UGT2A3: variants seen among roughly 807,000 people sequenced by gnomAD.
UGT2A3 encodes UDP-glucuronosyltransferase 2A3.
Under a neutral mutation model 44.1 loss-of-function variants are expected in UGT2A3, and 55 were observed. The ratio of observed to expected loss-of-function variants is 1.25; its 90% CI spans 1.00 to 1.56. The LOEUF (loss-of-function observed/expected upper bound fraction) is 1.56. Ranked by LOEUF, UGT2A3 falls within the 40% of genes most tolerant of loss-of-function variation. The probability of loss-of-function intolerance (pLI) is 0.00; values close to 1 mark genes in which losing one functional copy is unlikely to be tolerated. For missense variants in UGT2A3, 733 were observed against 621.6 expected, an observed-to-expected ratio of 1.18 and a Z score of -1.91; for synonymous variants, 243 against 215.1, an observed-to-expected ratio of 1.13 and a Z score of -1.13.
At chr4:68,930,990 G>A (rs913693064) in intron 4 of UGT2A3, among the ~76,000 whole-genome samples, 165 bp downstream of exon 4, 17 of 152,100 alleles carry the variant, frequency 1.1e-4, no homozygotes, top group African/African-American at 3.9e-4. Flanking sequence ...ACAATAGAAA[G>A]TGTGAATCTA....
intron 2 of UGT2A3, among the ~76,000 whole-genome samples, chr4:68,934,396 G>A (rs1045852799): frequency 4.0e-5 from 6 of 151,760 alleles, no homozygotes; most frequent in Non-Finnish European, 8.8e-5. Context: ...AGGAAAACAA[G>A]ATATTTAACA....
intron 2 of UGT2A3, among the ~76,000 whole-genome samples, 188 bp from the exon 3 acceptor site, chr4:68,932,947 A>C (rs1717790273): frequency 6.6e-6 from 1 of 152,050 alleles, no homozygotes; most frequent in African/African-American, 2.4e-5. Flanking sequence ...CATGTGGCTT[A>C]AATATGTAAT....
At chr4:68,943,599 T>C (rs1030533518) in intron 2 of UGT2A3, among the ~76,000 whole-genome samples, 25 of 151,910 alleles carry the variant, frequency 1.6e-4, no homozygotes, top group African/African-American at 4.3e-4. Flanking sequence ...TGGTAAATTC[T>C]TATAATTTTA....
At chr4:68,935,714 G>C (rs1717926538) in intron 2 of UGT2A3, among the ~76,000 whole-genome samples, 1 of 151,988 alleles carries the variant, frequency 6.6e-6, no homozygotes. Flanking sequence ...GAATGACTTT[G>C]ATGAGCTGAC....
chr4:68,945,620 A>T (rs1024188890), intron 1 of UGT2A3, among the ~76,000 whole-genome samples, 166 bp from the exon 2 acceptor site: 1 of 151,220 alleles, frequency 6.6e-6, no homozygotes, highest in Non-Finnish European at 1.5e-5. Context: ...ATAAAGAAGA[A>T]AAAAGAAAGA....
chr4:68,951,508 C>G lies in UGT2A3; in HGVS notation c.253G>C (p.Glu85Gln), dbSNP rs1718591688. 3 of 1,612,714 alleles carry G rather than the reference C, an allele frequency of 1.9e-6. No individual in the cohort carries two copies. Among genetic ancestry groups the G allele is most frequent in the Admixed American group, 1.7e-5 (1 of 59,806 alleles). The change falls in exon 1 of 6, where the codon GAA (glutamate) becomes CAA (glutamine). Residue 85 changes from glutamate to glutamine, a missense_variant. By Grantham distance (29) the Glu-to-Gln change is conservative. Transcript: ENST00000251566. ...AGGTCAACAAATATTTCATTTTCTTCTGTTCTGTCCTGTGGCATATGGACC... is the reference window on the plus strand; with the variant it reads ...AGGTCAACAAATATTTCATTTTCTTGTGTTCTGTCCTGTGGCATATGGACC... ...EVVHMPQDRT[E>Q]ENEIFVDLAL...
In UGT2A3 at chr4:68,938,263, T is replaced by C. The variant is rs569912831; in HGVS notation, c.865-5504A>G. Among the ~76,000 whole-genome samples the C allele has an allele frequency of 6.6e-5, 10 of 152,062 alleles. No homozygotes were observed. In the South Asian group the frequency reaches 2.1e-3, roughly 32 times the overall value. On this transcript the variant is annotated intron_variant, in intron 2 of 5. Coordinates refer to ENST00000251566, the MANE Select transcript of UGT2A3 (RefSeq NM_024743.4). ...GCAGAGACACAACAAAAAAAGAGAA[T>C]TTTAGACCAATATCTCTGAGGAATA...
At chr4:68,949,238 C>A (rs1054132144) in intron 1 of UGT2A3, among the ~76,000 whole-genome samples, 1 of 151,796 alleles carries the variant, frequency 6.6e-6, no homozygotes, top group Non-Finnish European at 1.5e-5. Context: ...ACTCATTAAA[C>A]TTATTCCTTT....
intron 2 of UGT2A3, among the ~76,000 whole-genome samples, chr4:68,943,839 A>C (rs1291385564): frequency 6.6e-6 from 1 of 151,404 alleles, no homozygotes; most frequent in Admixed American, 6.6e-5. Flanking sequence ...TGCCAAAGTG[A>C]CTATCTTTCA....
rs760483142 is a variant in UGT2A3 at position 68,948,661 on chromosome 4, C to T, written c.715+2385G>A. Among the ~76,000 whole-genome samples the T allele has an allele frequency of 1.4e-4, 21 of 151,598 alleles. 1 individual carries two copies. Among genetic ancestry groups the T allele is most frequent in the Non-Finnish European group, 2.8e-4 (19 of 67,796 alleles). On this transcript the variant is annotated intron_variant, in intron 1 of 5. Coordinates refer to ENST00000251566, the MANE Select transcript of UGT2A3 (RefSeq NM_024743.4). Reference sequence around the variant, plus strand: ...ACAACTAAAATTTTCTCCATATCAGCACTGATAATGGTTATTTGTTCTTAT... The same window carrying T: ...ACAACTAAAATTTTCTCCATATCAGTACTGATAATGGTTATTTGTTCTTAT...
chr4:68,932,009 T>C (rs1251993096), intron 3 of UGT2A3, among the ~76,000 whole-genome samples: 1 of 151,986 alleles, frequency 6.6e-6, no homozygotes, highest in African/African-American at 2.4e-5. Context: ...ATGAAATATC[T>C]TTTGGATAGT....
At chr4:68,936,328 C>T (rs1032540504) in intron 2 of UGT2A3, among the ~76,000 whole-genome samples, 8 of 151,974 alleles carry the variant, frequency 5.3e-5, no homozygotes, top group South Asian at 4.1e-4. Context: ...GTCAGGTTAC[C>T]GACAAAGGAA....
chr4:68,947,941 A>C (rs926958051), intron 1 of UGT2A3, among the ~76,000 whole-genome samples: 1 of 151,870 alleles, frequency 6.6e-6, no homozygotes, highest in African/African-American at 2.4e-5. Context: ...ACACAGGCAA[A>C]GTAGATTTAA....
At chr4:68,931,053 TAA>T (rs888344954) in intron 4 of UGT2A3, 100 bp downstream of exon 4, 5 of 957,292 alleles carry the variant, frequency 5.2e-6, no homozygotes, top group Non-Finnish European at 7.7e-6. Context: ...GTAAGTAAAA[TAA>T]AGTTTTATAA....
At chr4:68,939,480 A>T (rs1718098907) in intron 2 of UGT2A3, among the ~76,000 whole-genome samples, 1 of 152,198 alleles carries the variant, frequency 6.6e-6, no homozygotes, top group South Asian at 2.1e-4. Context: ...TGGTGTTGGG[A>T]AAACACGCTA....
In UGT2A3 at chr4:68,945,400, C is replaced by A. The variant is rs148723888; in HGVS notation, c.770G>T (p.Arg257Leu). 1.2e-6 allele frequency: 2 copies of A among 1,611,232 alleles called. No homozygotes were observed. The highest frequency in any genetic ancestry group is 1.7e-6 in the Non-Finnish European group (2 of 1,178,386). Residue 257 changes from arginine to leucine, a missense_variant, in exon 2 of 6, where the codon CGA becomes CTA. Arg to Leu is a moderately radical substitution (Grantham distance 102, BLOSUM62 -2). Transcript: ENST00000251566. ...AGGAAATTCAAAATCCCAATATGTT[C>A]GTATTAGCCATATCTCAGCTTTTCC... ...TVGKAEIWLI[R>L]TYWDFEFPQP...
intron 1 of UGT2A3, 142 bp from the exon 2 acceptor site, chr4:68,945,596 G>A (rs1209234799): frequency 5.0e-6 from 2 of 398,066 alleles, no homozygotes; most frequent in Non-Finnish European, 8.6e-6. Flanking sequence ...ATGGAAGGGG[G>A]AATTAATGAA....
chr4:68,941,702 T>C (rs1718192906), intron 2 of UGT2A3, among the ~76,000 whole-genome samples: 1 of 151,836 alleles, frequency 6.6e-6, no homozygotes, highest in Non-Finnish European at 1.5e-5. Context: ...GAAGAGACAA[T>C]TCACAACATG....
chr4:68,948,237 T>C (rs1190772557), intron 1 of UGT2A3, among the ~76,000 whole-genome samples: 1 of 151,924 alleles, frequency 6.6e-6, no homozygotes, highest in Non-Finnish European at 1.5e-5. Context: ...CATTGAACTT[T>C]TGCATCATGT....
Sources: allele counts gnomAD v4.1 joint callset (sites outside exome capture counted in the v4.1 genomes callset), GRCh38; gene constraint gnomAD v4.1.1; transcripts MANE v1.5; gene names NCBI Gene and HGNC (gene_info 2026-07-23, HGNC 2026-07-21).